SATL1: variants seen among roughly 807,000 people sequenced by gnomAD.
The protein encoded by SATL1 is spermidine/spermine N1-acetyl transferase like 1, also known as spermidine/spermine N(1)-acetyltransferase-like protein 1.
A neutral mutation model predicts 51.8 loss-of-function variants in SATL1; 47 were observed. That is an observed-to-expected ratio of 0.91 (90% CI 0.72 to 1.16). SATL1 has a LOEUF of 1.16. Ranked by LOEUF, SATL1 falls within the 50% of genes most tolerant of loss-of-function variation. The probability of loss-of-function intolerance (pLI) is 0.00; values close to 1 mark genes in which losing one functional copy is unlikely to be tolerated. For missense variants in SATL1, 520 were observed against 526.4 expected, an observed-to-expected ratio of 0.99 and a Z score of 0.12; for synonymous variants, 176 against 182.4, an observed-to-expected ratio of 0.97 and a Z score of 0.28.
Position 85,108,062 on chromosome X carries a change from G to A in SATL1, c.907C>T (p.Gln303Ter), listed in dbSNP as rs147066299. 3.7e-4 allele frequency: 450 copies of A among 1,209,777 alleles called. 1 individual carries two copies. In the East Asian group the frequency reaches 0.013, roughly 35 times the overall value. Residue 303 changes from glutamine to a stop codon, truncating the protein, a stop_gained, in exon 3 of 8, where the codon CAA becomes TAA. Coordinates refer to ENST00000644105, the MANE Select transcript of SATL1 (RefSeq NM_001367857.2). LOFTEE classifies it high-confidence loss of function. ...QPSMSQAGMR[Q>*]SGTNLPDINQ... ...ATGTCTGGTAGGTTTGTACCTGATT[G>A]CCTCATGCCAGCTTGGCTCATGCTT...
chrX:85,110,534 T>A (rs1401585713), intron 2 of SATL1, among the ~76,000 whole-genome samples: 1 of 111,942 alleles, frequency 8.9e-6, no homozygotes, highest in Non-Finnish European at 1.9e-5. Flanking sequence ...AATAACCCTG[T>A]GATGCATGTA....
At chrX:85,225,871 G>A (rs1231964904) in intron 1 of SATL1, among the ~76,000 whole-genome samples, 1 of 111,130 alleles carries the variant, frequency 9.0e-6, no homozygotes, top group Non-Finnish European at 1.9e-5. Flanking sequence ...GCTATCCCCT[G>A]TTCCCTGGTC....
chrX:85,172,709 C>T (rs1205783114), intron 2 of SATL1, among the ~76,000 whole-genome samples: 1 of 111,056 alleles, frequency 9.0e-6, no homozygotes, highest in African/African-American at 3.3e-5. Flanking sequence ...TTAACCACTA[C>T]CTTGTGTTAA....
At chrX:85,160,630 G>C (rs760000503) in intron 2 of SATL1, among the ~76,000 whole-genome samples, 2 of 110,320 alleles carry the variant, frequency 1.8e-5, no homozygotes, top group Non-Finnish European at 1.9e-5. Context: ...AAAGAATAGA[G>C]AAAAAAGAAT....
rs779298425 is a variant in SATL1 at position 85,101,935 on chromosome X, A to G, written c.1693+1929T>C. 2.7e-5 allele frequency among the ~76,000 whole-genome samples: 3 copies of G among 110,146 alleles called. No homozygotes were observed. The Admixed American group carries it at 2.9e-4, about 11-fold the overall frequency. On this transcript the variant is annotated intron_variant, in intron 4 of 7. Transcript: ENST00000644105. ...AAGGCAGACACACAAGGACAAATAT[A>G]TATTTCCAGTCATATGAGGTACCTA... is the stretch of plus-strand genomic sequence containing the variant.
intron 2 of SATL1, among the ~76,000 whole-genome samples, chrX:85,176,539 T>G (rs1269586257): frequency 1.8e-5 from 2 of 111,794 alleles, no homozygotes; most frequent in Non-Finnish European, 3.8e-5. Flanking sequence ...AAAAGAAGAA[T>G]AGTTATCTCT....
chrX:85,191,261 CATA>C (rs1270319596), intron 2 of SATL1, among the ~76,000 whole-genome samples: 3 of 111,615 alleles, frequency 2.7e-5, no homozygotes, highest in Non-Finnish European at 3.8e-5. Context: ...TAAATTGACA[CATA>C]ATAATTGTGC....
intron 2 of SATL1, among the ~76,000 whole-genome samples, 166 bp from the exon 3 acceptor site, chrX:85,109,446 T>C (rs1925205316): frequency 9.0e-6 from 1 of 110,996 alleles, no homozygotes; most frequent in Non-Finnish European, 1.9e-5. Flanking sequence ...CAGGGCTCGC[T>C]TGACCACTTT....
intron 2 of SATL1, among the ~76,000 whole-genome samples, chrX:85,200,118 A>G (rs1451431680): frequency 9.0e-6 from 1 of 111,309 alleles, no homozygotes; most frequent in Non-Finnish European, 1.9e-5. Context: ...TTAAAAATGA[A>G]TAAGTATAAA....
intron 2 of SATL1, among the ~76,000 whole-genome samples, chrX:85,130,372 T>C (rs1378157875): frequency 2.7e-5 from 3 of 111,760 alleles, no homozygotes; most frequent in African/African-American, 9.8e-5. Context: ...GGTTTAGTCT[T>C]GGGAGAGTGT....
chrX:85,131,486 C>A (rs1400321296), intron 2 of SATL1, among the ~76,000 whole-genome samples: 1 of 104,171 alleles, frequency 9.6e-6, no homozygotes, highest in African/African-American at 3.5e-5. Flanking sequence ...TTTTTTTTTT[C>A]TTTCCATTTG....
chrX:85,148,880 A>T (rs1056173441), intron 2 of SATL1, among the ~76,000 whole-genome samples: 1 of 111,511 alleles, frequency 9.0e-6, no homozygotes, highest in African/African-American at 3.3e-5. Flanking sequence ...TGTAAAGGCC[A>T]TCGAGACTAG....
chrX:85,198,397 G>A (rs1424957480), intron 2 of SATL1, among the ~76,000 whole-genome samples: 5 of 111,325 alleles, frequency 4.5e-5, no homozygotes, highest in Admixed American at 9.6e-5. Flanking sequence ...GTTTCTTGAG[G>A]AATCTCCAAA....
intron 2 of SATL1, among the ~76,000 whole-genome samples, chrX:85,116,767 C>T (rs888573174): frequency 1.3e-4 from 14 of 110,551 alleles, no homozygotes; most frequent in Non-Finnish European, 5.7e-5. Flanking sequence ...GTCTGTCTAC[C>T]TACCTACTCC....
intron 2 of SATL1, among the ~76,000 whole-genome samples, chrX:85,116,962 C>A (rs1215827232): frequency 9.0e-6 from 1 of 111,201 alleles, no homozygotes; most frequent in African/African-American, 3.3e-5. Flanking sequence ...TGGCATATGA[C>A]CTTCCAGGAA....
chrX:85,167,061 G>A (rs1031091968), intron 2 of SATL1, among the ~76,000 whole-genome samples: 5 of 106,929 alleles, frequency 4.7e-5, no homozygotes, highest in African/African-American at 1.4e-4. Context: ...ATACTACTCA[G>A]CCATAAAAAG....
chrX:85,152,403 G>T (rs1255446537), intron 2 of SATL1, among the ~76,000 whole-genome samples: 2 of 111,870 alleles, frequency 1.8e-5, no homozygotes, highest in African/African-American at 6.5e-5. Flanking sequence ...GTGGAAGTCA[G>T]TGTGGCGATT....
chrX:85,148,538 G>C, intron 2 of SATL1, among the ~76,000 whole-genome samples: 1 of 110,775 alleles, frequency 9.0e-6, no homozygotes. Context: ...TTGAAATGAA[G>C]GAAAAAATGT....
intron 2 of SATL1, among the ~76,000 whole-genome samples, chrX:85,161,801 G>A (rs1287451740): frequency 9.0e-6 from 1 of 111,061 alleles, no homozygotes; most frequent in Non-Finnish European, 1.9e-5. Context: ...TTCAGCACTG[G>A]ACCAAATAGA....
Sources: allele counts gnomAD v4.1 joint callset (sites outside exome capture counted in the v4.1 genomes callset), GRCh38; gene constraint gnomAD v4.1.1; transcripts MANE v1.5; gene names NCBI Gene and HGNC (gene_info 2026-07-23, HGNC 2026-07-21).